The following FARS2 variants were observed in gnomAD, a reference collection of about 807,000 sequenced individuals.
FARS2 encodes phenylalanyl-tRNA synthetase 2, mitochondrial.
Under a neutral mutation model 46.4 loss-of-function variants are expected in FARS2, and 40 were observed. The ratio of observed to expected loss-of-function variants is 0.86; its 90% confidence interval spans 0.67 to 1.12. The LOEUF is 1.12. FARS2 is among the 50% of genes most tolerant of loss of function. The pLI is 0.00. For synonymous variants in FARS2, 234 were observed against 214.9 expected, an observed-to-expected ratio of 1.09 and a Z score of -0.78; for missense variants, 513 against 567.9, an observed-to-expected ratio of 0.90 and a Z score of 0.98.
intron 1 of FARS2, among the ~76,000 whole-genome samples, chr6:5,296,173 G>T (rs1264158401): frequency 1.0e-5 from 1 of 99,842 alleles, no homozygotes. Context: ...ACGAAGTCTA[G>T]CTCTGTCGCC....
At chr6:5,391,045 T>C (rs887178874) in intron 2 of FARS2, among the ~76,000 whole-genome samples, 3 of 152,244 alleles carry the variant, frequency 2.0e-5, no homozygotes, top group African/African-American at 7.2e-5. Flanking sequence ...GTCATTATTT[T>C]ATTCAGGGTG....
At chr6:5,705,622 G>A (rs1758700489) in intron 6 of FARS2, among the ~76,000 whole-genome samples, 1 of 152,146 alleles carries the variant, frequency 6.6e-6, no homozygotes, top group Non-Finnish European at 1.5e-5. Context: ...TGAAACCCAG[G>A]GGCCTCGCCT....
At chr6:5,766,694 T>A (rs1762769725) in intron 6 of FARS2, among the ~76,000 whole-genome samples, 2 of 152,190 alleles carry the variant, frequency 1.3e-5, no homozygotes, top group East Asian at 1.9e-4. Context: ...ACATTAACCA[T>A]TTTTTAAAGT....
intron 1 of FARS2, among the ~76,000 whole-genome samples, chr6:5,262,583 T>C (rs1163079928): frequency 1.3e-5 from 2 of 152,190 alleles, no homozygotes; most frequent in Non-Finnish European, 2.9e-5. Flanking sequence ...CCAGCCTCTA[T>C]TTTCAGGAAC....
chr6:5,260,696 T>C, upstream of FARS2: 5 of 1,541,018 alleles, frequency 3.2e-6, no homozygotes, highest in Non-Finnish European at 2.6e-6. Context: ...CATCGCCCGG[T>C]ACAGAGATAA....
intron 4 of FARS2, among the ~76,000 whole-genome samples, chr6:5,524,671 G>T (rs982159569): frequency 2.1e-4 from 32 of 152,198 alleles, no homozygotes; most frequent in Non-Finnish European, 3.8e-4. Flanking sequence ...GCTCTAGGAG[G>T]TAAGTACTGC....
chr6:5,440,704 G>A (rs897089860), intron 4 of FARS2, among the ~76,000 whole-genome samples: 1 of 152,126 alleles, frequency 6.6e-6, no homozygotes, highest in Non-Finnish European at 1.5e-5. Flanking sequence ...TTTTTTAGAA[G>A]TGGAGGGGGG....
intron 6 of FARS2, among the ~76,000 whole-genome samples, chr6:5,728,419 T>A (rs988511356): frequency 6.6e-6 from 1 of 152,178 alleles, no homozygotes; most frequent in Non-Finnish European, 1.5e-5. Context: ...TGAGGTTTGC[T>A]GACGCTAAAA....
intron 4 of FARS2, among the ~76,000 whole-genome samples, chr6:5,445,687 C>T (rs376163239): frequency 1.3e-5 from 2 of 152,100 alleles, no homozygotes; most frequent in Non-Finnish European, 2.9e-5. Context: ...TCTCCAAGCT[C>T]GGAAGAAGTA....
At chr6:5,535,145 A>T (rs889802842) in intron 4 of FARS2, among the ~76,000 whole-genome samples, 1 of 152,116 alleles carries the variant, frequency 6.6e-6, no homozygotes, top group African/African-American at 2.4e-5. Context: ...TCATGAGCTT[A>T]TTGGCCATTT....
At chr6:5,711,913 C>G (rs963447409) in intron 6 of FARS2, among the ~76,000 whole-genome samples, 3 of 152,120 alleles carry the variant, frequency 2.0e-5, no homozygotes, top group African/African-American at 7.2e-5. Context: ...ACTCGTGTAC[C>G]AGGCTAATGT....
chr6:5,308,606 A>G (rs894177909), intron 1 of FARS2, among the ~76,000 whole-genome samples: 4 of 152,234 alleles, frequency 2.6e-5, no homozygotes, highest in Non-Finnish European at 4.4e-5. Context: ...GTTTCTGTGT[A>G]CTTACTCTCG....
chr6:5,359,999 G>A (rs187741794), intron 1 of FARS2, among the ~76,000 whole-genome samples: 23 of 152,290 alleles, frequency 1.5e-4, no homozygotes, highest in Admixed American at 4.6e-4. Context: ...TAGAAGCAAC[G>A]TCATTGTATC....
At chr6:5,660,515 G>A (rs904442698) in intron 6 of FARS2, among the ~76,000 whole-genome samples, 14 of 152,110 alleles carry the variant, frequency 9.2e-5, no homozygotes, top group Non-Finnish European at 1.5e-4. Flanking sequence ...GGCATGATTG[G>A]TGCATGCCTT....
chr6:5,399,172 A>ATTG (rs1761099355), intron 2 of FARS2, among the ~76,000 whole-genome samples: 2 of 98,690 alleles, frequency 2.0e-5, no homozygotes, highest in South Asian at 4.3e-4. Context: ...TATTATTATT[A>ATTG]TTATCATCAT....
intron 6 of FARS2, among the ~76,000 whole-genome samples, chr6:5,707,051 T>A (rs1231331378): frequency 6.6e-6 from 1 of 152,224 alleles, no homozygotes; most frequent in Non-Finnish European, 1.5e-5. Flanking sequence ...AGCACTTGCT[T>A]GCTCTCACTC....
chr6:5,495,160 G>A (rs1239132143), intron 4 of FARS2, among the ~76,000 whole-genome samples: 3 of 152,148 alleles, frequency 2.0e-5, no homozygotes, highest in African/African-American at 7.2e-5. Context: ...AGAAACTGTA[G>A]AGGTCAAAAT....
chr6:5,739,285 C>A lies in FARS2; in HGVS notation c.1218-32006C>A, dbSNP rs1015987026. 4.3e-4 allele frequency among the ~76,000 whole-genome samples: 64 copies of A among 149,776 alleles called. 1 individual carries two copies. Among genetic ancestry groups the A allele is most frequent in the Non-Finnish European group, 8.4e-4 (57 of 67,750 alleles). On this transcript the variant is annotated intron_variant, in intron 6 of 6. Transcript: ENST00000274680. ...CCAAGGTAGGAGGATTGCTTGAGATCAGGAGTTCAAGACTAGCTTGGGCAA... is the reference window on the plus strand; with the variant it reads ...CCAAGGTAGGAGGATTGCTTGAGATAAGGAGTTCAAGACTAGCTTGGGCAA...
intron 4 of FARS2, among the ~76,000 whole-genome samples, chr6:5,432,432 A>AT (rs1188510914): frequency 1.6e-5 from 2 of 125,658 alleles, no homozygotes; most frequent in Non-Finnish European, 3.3e-5. Flanking sequence ...AATATATTAT[A>AT]AATATAATAT....
Sources: gnomAD v4.1 joint callset for allele counts (sites outside exome capture counted in the v4.1 genomes callset) on GRCh38, gnomAD v4.1.1 for gene constraint, MANE v1.5 for transcripts, NCBI Gene and HGNC (gene_info 2026-07-23, HGNC 2026-07-21) for gene names.